The following LAMA1 variants were observed in gnomAD, a reference collection of about 807,000 sequenced individuals.
The protein encoded by LAMA1 is laminin subunit alpha 1, also known as laminin subunit alpha-1.
LAMA1 carries 219 observed loss-of-function variants against 348.7 expected under a neutral mutation model. That is an observed-to-expected ratio of 0.63 (90% CI 0.56 to 0.70). The LOEUF (loss-of-function observed/expected upper bound fraction) is 0.70, where lower values mean the gene tolerates loss of function less well. Among genes scored for constraint, LAMA1 ranks in the 30% least tolerant of loss-of-function variants. The pLI is 0.00. For missense variants in LAMA1, 3,744 were observed against 3,888.0 expected (o/e 0.96, Z 0.99); for synonymous variants, 1,487 against 1,491.0 (o/e 1.00, Z 0.06).
intron 42 of LAMA1, among the ~76,000 whole-genome samples, chr18:6,979,755 C>T (rs1323053319): frequency 2.0e-4 from 31 of 151,816 alleles, no homozygotes; most frequent in Non-Finnish European, 3.4e-4. Context: ...AAAAATTAGC[C>T]GGGGACGGTG....
At chr18:7,115,585 G>A (rs912494583) in intron 1 of LAMA1, among the ~76,000 whole-genome samples, 1 of 151,564 alleles carries the variant, frequency 6.6e-6, no homozygotes, top group African/African-American at 2.4e-5. Context: ...CTAACTAGCA[G>A]GTGATTTGCA....
intron 3 of LAMA1, among the ~76,000 whole-genome samples, chr18:7,078,469 T>C (rs1350294141): frequency 1.3e-5 from 2 of 151,960 alleles, no homozygotes; most frequent in African/African-American, 4.8e-5. Flanking sequence ...CCTGGCTCTT[T>C]TCTCTTTTTC....
chr18:6,984,016 C>A (rs1021702769), intron 39 of LAMA1, among the ~76,000 whole-genome samples: 6 of 151,648 alleles, frequency 4.0e-5, no homozygotes, highest in African/African-American at 1.5e-4. Context: ...TGTTAAATCA[C>A]AACAAATTGT....
chr18:7,010,979 G>A (rs532280201), intron 25 of LAMA1, among the ~76,000 whole-genome samples: 11 of 152,144 alleles, frequency 7.2e-5, no homozygotes, highest in Middle Eastern at 3.4e-3. Flanking sequence ...AATAACTTTC[G>A]CACCTAATGA....
intron 10 of LAMA1, 105 bp from the exon 11 acceptor site, chr18:7,039,055 G>T: frequency 1.1e-6 from 1 of 922,848 alleles, no homozygotes; most frequent in Non-Finnish European, 1.8e-6. Context: ...AGAGACAGGT[G>T]AATAAACGTC....
chr18:7,100,218 T>C lies in LAMA1; in HGVS notation c.61+17442A>G, dbSNP rs539176609. Among the ~76,000 whole-genome samples the C allele has an allele frequency of 3.9e-5, 6 of 152,292 alleles. No individual in the cohort carries two copies. The South Asian group carries it at 1.2e-3, about 32-fold the overall frequency. ...ATTGGGCAAAATACTTGAATAGACA[T>C]TTCACCAAAGATATATGAATGGCTA... On this transcript the variant is annotated intron_variant, in intron 1 of 62. Transcript: ENST00000389658.
At chr18:7,046,393 A>G (rs2058042090) in intron 5 of LAMA1, 26 bp from the exon 6 acceptor site, 3 of 1,378,902 alleles carry the variant, frequency 2.2e-6, no homozygotes, top group Non-Finnish European at 2.1e-6. Flanking sequence ...GTTATGAACA[A>G]AAATTAAAAC....
At chr18:7,055,112 CTGTGTGTG>C (rs147015838) in intron 3 of LAMA1, among the ~76,000 whole-genome samples, 3,061 of 145,302 alleles carry the variant, frequency 0.021, 96 homozygotes, top group African/African-American at 0.073. Flanking sequence ...CAAGGGTCAG[CTGTGTGTG>C]TGTGTGTGTG....
chr18:6,983,629 C>T (rs890280487), intron 39 of LAMA1, among the ~76,000 whole-genome samples: 2 of 152,206 alleles, frequency 1.3e-5, no homozygotes, highest in Non-Finnish European at 2.9e-5. Flanking sequence ...TTGGTAACCT[C>T]CAAGAAGTGT....
chr18:7,087,928 C>T (rs967585737), intron 1 of LAMA1, among the ~76,000 whole-genome samples: 2 of 152,166 alleles, frequency 1.3e-5, no homozygotes, highest in Non-Finnish European at 2.9e-5. Context: ...CAAATAGCTG[C>T]TCTTATTATG....
At position 7,044,739 on chromosome 18, in the gene LAMA1, G is replaced by A; in HGVS notation, c.959C>T (p.Ser320Phe). ...QQPWRPGTVS[S>F]GNTCEACNCH... is the part of the protein sequence containing the mutation. ...ATACTGACCTTCACATGTATTGCCG[G>A]AGGACACGGTTCCCGGCCTCCAGGG... The change falls in exon 7 of 63, where the codon TCC becomes TTC. Residue 320 changes from serine to phenylalanine, a missense_variant. By Grantham distance (155) the Ser-to-Phe change is radical. Transcript: ENST00000389658. The A allele has an allele frequency of 6.2e-7, 1 of 1,614,002 alleles. No individual in the cohort carries two copies. Among genetic ancestry groups the A allele is most frequent in the South Asian group, 1.1e-5 (1 of 91,072 alleles).
intron 3 of LAMA1, among the ~76,000 whole-genome samples, chr18:7,060,029 A>T (rs1197402566): frequency 1.3e-5 from 2 of 152,236 alleles, no homozygotes. Context: ...CTAATTACCA[A>T]TGCAGATATG....
intron 1 of LAMA1, among the ~76,000 whole-genome samples, chr18:7,100,058 CAAAAAAAAAAAAAA>C (rs3038921): frequency 1.4e-4 from 11 of 79,704 alleles, no homozygotes; most frequent in African/African-American, 1.9e-4. Context: ...GACTTTGTCT[CAAAAAAAAAAAAAA>C]AAAAAAAAAA....
At chr18:7,014,205 T>C (rs2057874882) in intron 22 of LAMA1, among the ~76,000 whole-genome samples, 154 bp from the exon 23 acceptor site, 1 of 152,226 alleles carries the variant, frequency 6.6e-6, no homozygotes, top group East Asian at 1.9e-4. Flanking sequence ...CGTTGCCATG[T>C]GCCAACAGGA....
At chr18:6,958,450 G>T (rs1352275599) in intron 55 of LAMA1, 27 bp downstream of exon 55, 1 of 1,611,670 alleles carries the variant, frequency 6.2e-7, no homozygotes, top group South Asian at 1.1e-5. Context: ...GAAAGTGCAA[G>T]AACATGCAGA....
chr18:7,025,434 C>A (rs571663909), intron 17 of LAMA1, among the ~76,000 whole-genome samples: 4 of 152,206 alleles, frequency 2.6e-5, no homozygotes, highest in Non-Finnish European at 5.9e-5. Context: ...GGTGGACAGG[C>A]CTCACTACAG....
At chr18:7,027,310 C>G (rs1484128171) in intron 16 of LAMA1, among the ~76,000 whole-genome samples, 1 of 151,858 alleles carries the variant, frequency 6.6e-6, no homozygotes, top group Non-Finnish European at 1.5e-5. Context: ...TCTATGCAAA[C>G]TATTCTCAAG....
At chr18:7,015,588 GT>G (rs35052861) in intron 22 of LAMA1, 133 bp downstream of exon 22, 39,295 of 907,128 alleles carry the variant, frequency 0.043, 2 homozygotes, top group East Asian at 0.092. Flanking sequence ...CCCACATTGA[GT>G]TTTTTTTTTT....
intron 41 of LAMA1, among the ~76,000 whole-genome samples, chr18:6,981,146 C>T (rs181516055): frequency 1.3e-5 from 2 of 151,880 alleles, no homozygotes; most frequent in Non-Finnish European, 2.9e-5. Flanking sequence ...CTAGCTTGCT[C>T]GATCATTTTC....
Sources: allele counts gnomAD v4.1 joint callset (sites outside exome capture counted in the v4.1 genomes callset), GRCh38; gene constraint gnomAD v4.1.1; transcripts MANE v1.5; gene names NCBI Gene and HGNC (gene_info 2026-07-23, HGNC 2026-07-21).